NBEA: variants seen among roughly 807,000 people sequenced by gnomAD.
The protein encoded by NBEA is neurobeachin, also known as lysosomal-trafficking regulator 2.
NBEA carries 44 observed loss-of-function variants against 343.4 expected under a neutral mutation model. That is an observed-to-expected ratio of 0.13 (90% CI 0.10 to 0.16). NBEA has a LOEUF of 0.16. Ranked by LOEUF, NBEA falls within the 10% of genes least tolerant of loss-of-function variation. The pLI is 1.00. For missense variants in NBEA, 2,555 were observed against 3,631.3 expected (o/e 0.70, Z 7.62); for synonymous variants, 1,175 against 1,238.7 (o/e 0.95, Z 1.08).
chr13:35,373,982 C>A (rs1404499070), intron 38 of NBEA, among the ~76,000 whole-genome samples: 1 of 152,102 alleles, frequency 6.6e-6, no homozygotes, highest in East Asian at 1.9e-4. Context: ...ATTGTAGCCT[C>A]CTTCATCAGT....
intron 44 of NBEA, among the ~76,000 whole-genome samples, chr13:35,557,046 C>T (rs1293492954): frequency 6.6e-6 from 1 of 151,956 alleles, no homozygotes; most frequent in African/African-American, 2.4e-5. Flanking sequence ...TTTCCCTTGG[C>T]TGTGCTAGCT....
Position 34,942,408 on chromosome 13 carries a change from CGGCCAGCGTCGTG to C in NBEA, c.-411_-399del, listed in dbSNP as rs2059055187. 2 of 155,856 alleles carry C rather than the reference CGGCCAGCGTCGTG, an allele frequency of 1.3e-5. No homozygotes were observed. Among genetic ancestry groups the C allele is most frequent in the South Asian group, 3.5e-4 (2 of 5,668 alleles). 9.7% of individuals were successfully genotyped at this position (155,856 alleles called of 1,614,324 possible). A position where few individuals can be genotyped will look rare whatever the true frequency, so the allele number is the denominator to read the frequency against. Reference sequence around the variant, plus strand: ...TCGGCCACAGCCTGAGCTTCAGCACCGGCCAGCGTCGTGGCCAGCTGCTCGCGTCCTCGGGCTT... The same window carrying C: ...TCGGCCACAGCCTGAGCTTCAGCACCGCCAGCTGCTCGCGTCCTCGGGCTT... On this transcript the variant is annotated 5_prime_UTR_variant, in exon 1 of 59. Coordinates refer to ENST00000379939, the MANE Select transcript of NBEA (RefSeq NM_001385012.1).
intron 36 of NBEA, among the ~76,000 whole-genome samples, chr13:35,337,498 A>G (rs2039334950): frequency 6.6e-6 from 1 of 152,142 alleles, no homozygotes; most frequent in South Asian, 2.1e-4. Flanking sequence ...CCTAAAATAT[A>G]TCAAGCAAAA....
rs929806654 is a variant in NBEA, at chr13:35,109,237, T to C, written c.1681-53T>C. On this transcript the variant is annotated intron_variant, in intron 11 of 58. Coordinates refer to ENST00000379939, the MANE Select transcript of NBEA (RefSeq NM_001385012.1). ...TGTCCTTATGCTAAATCAGAAATTATACAATTTGATATTCTGGATGTTTCA... is the reference window on the plus strand; with the variant it reads ...TGTCCTTATGCTAAATCAGAAATTACACAATTTGATATTCTGGATGTTTCA... 6 of 1,455,082 alleles carry C rather than the reference T, an allele frequency of 4.1e-6. No individual in the cohort carries two copies. In the Admixed American group the frequency reaches 1.2e-4, roughly 28 times the overall value. 90.1% of individuals were successfully genotyped at this position (1,455,082 alleles called of 1,614,324 possible). A position where few individuals can be genotyped will look rare whatever the true frequency, so the allele number is the denominator to read the frequency against.
chr13:35,100,205 TA>T (rs1351340336), intron 11 of NBEA, among the ~76,000 whole-genome samples: 1 of 152,110 alleles, frequency 6.6e-6, no homozygotes, highest in Non-Finnish European at 1.5e-5. Context: ...AGTTCTAAAA[TA>T]TGCTATATTT....
intron 40 of NBEA, among the ~76,000 whole-genome samples, chr13:35,471,285 G>A (rs1272130799): frequency 2.6e-5 from 4 of 152,280 alleles, no homozygotes; most frequent in East Asian, 2.0e-4. Context: ...CCCGGCGGGG[G>A]CCGAGGGCGG....
At chr13:35,004,065 A>G (rs919951648) in intron 1 of NBEA, among the ~76,000 whole-genome samples, 1 of 152,084 alleles carries the variant, frequency 6.6e-6, no homozygotes, top group Non-Finnish European at 1.5e-5. Context: ...TGCTGAGGAT[A>G]ATGGCTTCCA....
At chr13:35,141,602 G>A (rs926262409) in intron 17 of NBEA, among the ~76,000 whole-genome samples, 7 of 152,126 alleles carry the variant, frequency 4.6e-5, no homozygotes, top group African/African-American at 1.7e-4. Flanking sequence ...CAAATGAGAG[G>A]CCTGTAGTAA....
intron 49 of NBEA, among the ~76,000 whole-genome samples, chr13:35,628,555 G>T (rs1176866129): frequency 6.6e-6 from 1 of 152,122 alleles, no homozygotes; most frequent in African/African-American, 2.4e-5. Context: ...AAACCTAGCT[G>T]AATATTTAAA....
intron 45 of NBEA, among the ~76,000 whole-genome samples, chr13:35,576,792 T>A (rs953720744): frequency 6.6e-6 from 1 of 152,206 alleles, no homozygotes; most frequent in East Asian, 1.9e-4. Flanking sequence ...TATTTGCCAA[T>A]AGCATTATGA....
intron 38 of NBEA, among the ~76,000 whole-genome samples, chr13:35,387,947 G>C (rs1185746227): frequency 4.6e-5 from 7 of 152,154 alleles, no homozygotes; most frequent in Admixed American, 4.6e-4. Flanking sequence ...ATGATTTACT[G>C]AACTAATCAT....
intron 13 of NBEA, among the ~76,000 whole-genome samples, chr13:35,113,815 A>G (rs1323990047): frequency 3.3e-5 from 5 of 152,156 alleles, no homozygotes; most frequent in African/African-American, 1.2e-4. Flanking sequence ...ATGTAAACGA[A>G]TAGGTGTGGC....
intron 36 of NBEA, among the ~76,000 whole-genome samples, chr13:35,330,208 A>G (rs1358271259): frequency 3.9e-5 from 6 of 152,170 alleles, no homozygotes; most frequent in Non-Finnish European, 8.8e-5. Context: ...CTTAACTAAT[A>G]AGATATGAAG....
chr13:35,272,323 C>G (rs1047550960), intron 34 of NBEA, among the ~76,000 whole-genome samples: 6 of 152,124 alleles, frequency 3.9e-5, no homozygotes, highest in Admixed American at 2.6e-4. Context: ...TTTGTCATCA[C>G]CAGGCCCATC....
intron 6 of NBEA, among the ~76,000 whole-genome samples, chr13:35,055,659 A>G (rs1427397286): frequency 6.6e-6 from 1 of 152,190 alleles, no homozygotes; most frequent in Non-Finnish European, 1.5e-5. Flanking sequence ...CATAAATTCT[A>G]GGAGAACTGG....
rs371694226 is a variant in NBEA at position 35,504,381 on chromosome 13, C to A, written c.6585+31845C>A. ...GTTCTTAACTAAAACTGTTTCTCTT[C>A]CTTTCCCTGAAACCTTAGTAACACC... is the stretch of plus-strand genomic sequence containing the variant. On this transcript the variant is annotated intron_variant, in intron 41 of 58. Coordinates refer to ENST00000379939, the MANE Select transcript of NBEA (RefSeq NM_001385012.1). Among the ~76,000 whole-genome samples, 89 of 152,224 alleles carry A rather than the reference C, an allele frequency of 5.8e-4. 3 individuals are homozygous for A. In the South Asian group the frequency reaches 0.018, roughly 31 times the overall value.
chr13:35,232,558 C>T lies in NBEA; in HGVS notation c.5715C>T (p.Asp1905=). Reference sequence around the variant, plus strand: ...CTCTTCTTCGTGAAATTTTTGTAGACTTTGCCCCATTCCTATCTCGTACAC... The same window carrying T: ...CTCTTCTTCGTGAAATTTTTGTAGATTTTGCCCCATTCCTATCTCGTACAC... The part of the protein sequence containing the change: ...VAPLLREIFV[D]FAPFLSRTLL... Residue 1905 remains aspartate (D), a synonymous_variant, in exon 34 of 59, where the codon GAC becomes GAT. Transcript: ENST00000379939. The T allele has an allele frequency of 6.4e-7, 1 of 1,556,512 alleles. No homozygotes were observed. The highest frequency in any genetic ancestry group is 1.9e-5 in the Admixed American group (1 of 52,200).
chr13:35,375,592 C>A (rs1376455488), intron 38 of NBEA, among the ~76,000 whole-genome samples: 1 of 151,968 alleles, frequency 6.6e-6, no homozygotes, highest in Non-Finnish European at 1.5e-5. Flanking sequence ...AAAAGACTTG[C>A]AACTATTTTT....
intron 34 of NBEA, among the ~76,000 whole-genome samples, chr13:35,233,830 G>C (rs1250394167): frequency 1.3e-5 from 2 of 152,072 alleles, no homozygotes; most frequent in African/African-American, 4.8e-5. Flanking sequence ...TTATGTAAAA[G>C]GATAAATACA....
Sources: gnomAD v4.1 joint callset for allele counts (sites outside exome capture counted in the v4.1 genomes callset) on GRCh38, gnomAD v4.1.1 for gene constraint, MANE v1.5 for transcripts, NCBI Gene and HGNC (gene_info 2026-07-23, HGNC 2026-07-21) for gene names.